The following FARS2 variants were observed in gnomAD, a reference collection of about 807,000 sequenced individuals.
FARS2 encodes the protein phenylalanyl-tRNA synthetase 2, mitochondrial.
FARS2 carries 40 observed loss-of-function variants against 46.4 expected under a neutral mutation model. The observed-to-expected ratio is 0.86, with a 90% CI of 0.67 to 1.12. The LOEUF is 1.12. Ranked by LOEUF, FARS2 falls within the 50% of genes most tolerant of loss-of-function variation. The pLI, the probability that FARS2 is intolerant of heterozygous loss-of-function variation, is 0.00. For missense variants in FARS2, 513 were observed against 567.9 expected, an observed-to-expected ratio of 0.90 and a Z score of 0.98; for synonymous variants, 234 against 214.9, an observed-to-expected ratio of 1.09 and a Z score of -0.78.
intron 2 of FARS2, among the ~76,000 whole-genome samples, chr6:5,385,649 C>T (rs1313153298): frequency 6.6e-6 from 1 of 152,104 alleles, no homozygotes; most frequent in Non-Finnish European, 1.5e-5. Flanking sequence ...TGGTCTTGGT[C>T]TCTTGACCTC....
intron 4 of FARS2, among the ~76,000 whole-genome samples, chr6:5,435,976 A>G (rs1432657560): frequency 2.6e-5 from 4 of 152,212 alleles, no homozygotes; most frequent in Non-Finnish European, 5.9e-5. Context: ...CTTATCAAAT[A>G]TTTCTTCAAA....
In FARS2 at chr6:5,497,144, T is replaced by A. The variant is rs1025732716; in HGVS notation, c.905-48036T>A. Among the ~76,000 whole-genome samples, 2 of 152,224 alleles carry A rather than the reference T, an allele frequency of 1.3e-5. 1 individual carries two copies. The highest frequency in any genetic ancestry group is 4.1e-4 in the South Asian group (2 of 4,832). Reference sequence around the variant, plus strand: ...TCTCGTGTATGATGATTTTGAAAACTCCAAATCCCTACTTATAAGAATGGT... The same window carrying A: ...TCTCGTGTATGATGATTTTGAAAACACCAAATCCCTACTTATAAGAATGGT... On this transcript the variant is annotated intron_variant, in intron 4 of 6. Coordinates refer to ENST00000274680, the MANE Select transcript of FARS2 (RefSeq NM_006567.5).
chr6:5,385,640 G>A (rs1760076619), intron 2 of FARS2, among the ~76,000 whole-genome samples: 1 of 152,020 alleles, frequency 6.6e-6, no homozygotes, highest in African/African-American at 2.4e-5. Context: ...TGGCCAGGAT[G>A]GTCTTGGTCT....
At chr6:5,609,444 T>C in intron 5 of FARS2, 1 of 1,215,556 alleles carries the variant, frequency 8.2e-7, no homozygotes. Context: ...GCTTCCATCA[T>C]TACCAAATCC....
At chr6:5,407,353 A>G (rs552239031) in intron 3 of FARS2, among the ~76,000 whole-genome samples, 1 of 152,136 alleles carries the variant, frequency 6.6e-6, no homozygotes, top group East Asian at 1.9e-4. Context: ...ATGTATTTAA[A>G]GAGAATCTTG....
At chr6:5,684,593 C>T (rs1561798217) in intron 6 of FARS2, among the ~76,000 whole-genome samples, 2 of 152,154 alleles carry the variant, frequency 1.3e-5, no homozygotes, top group African/African-American at 2.4e-5. Flanking sequence ...CAAAAAGCTG[C>T]AACAAGGAGC....
In FARS2 at chr6:5,368,650, A is replaced by G. The variant is rs537850422; in HGVS notation, c.80A>G (p.His27Arg). 13 of 1,614,192 alleles carry G rather than the reference A, an allele frequency of 8.1e-6. No individual in the cohort carries two copies. The highest frequency in any genetic ancestry group is 8.0e-5 in the African/African-American group (6 of 75,046). The change falls in exon 2 of 7, where the codon CAT (histidine) becomes CGT (arginine). Residue 27 changes from histidine to arginine, a missense_variant. By Grantham distance (29) the His-to-Arg change is conservative. Coordinates refer to ENST00000274680, the MANE Select transcript of FARS2 (RefSeq NM_006567.5). Reference protein sequence around the residue: ...VSKASHISRGHQHQAWGSRPP... With the variant: ...VSKASHISRGRQHQAWGSRPP... Reference sequence around the variant, plus strand: ...AAGGCCAGTCACATCTCCAGAGGCCATCAGCACCAGGCCTGGGGATCGAGG... The same window carrying G: ...AAGGCCAGTCACATCTCCAGAGGCCGTCAGCACCAGGCCTGGGGATCGAGG...
intron 5 of FARS2, among the ~76,000 whole-genome samples, chr6:5,610,855 A>G (rs917453577): frequency 6.6e-6 from 1 of 152,224 alleles, no homozygotes; most frequent in African/African-American, 2.4e-5. Flanking sequence ...CGTGGTTGCT[A>G]AACCCTAGGA....
Position 5,491,638 on chromosome 6 carries a change from T to G in FARS2, c.905-53542T>G, listed in dbSNP as rs560935273. ...TCCTTCCCCGAAAGATATGAGCGTTTCTTCTTCTGCATATGCCATAGCACA... is the reference window on the plus strand; with the variant it reads ...TCCTTCCCCGAAAGATATGAGCGTTGCTTCTTCTGCATATGCCATAGCACA... On this transcript the variant is annotated intron_variant, in intron 4 of 6. Coordinates refer to ENST00000274680, the MANE Select transcript of FARS2 (RefSeq NM_006567.5). Among the ~76,000 whole-genome samples, 216 of 152,320 alleles carry G rather than the reference T, an allele frequency of 1.4e-3. 10 individuals are homozygous for G. In the South Asian group the frequency reaches 0.042, roughly 30 times the overall value.
intron 1 of FARS2, among the ~76,000 whole-genome samples, chr6:5,363,733 G>C (rs1758465840): frequency 6.6e-6 from 1 of 152,114 alleles, no homozygotes; most frequent in Non-Finnish European, 1.5e-5. Context: ...CCTGACTTCT[G>C]TGCTGTGGCA....
At chr6:5,440,991 G>T (rs192156838) in intron 4 of FARS2, among the ~76,000 whole-genome samples, 2,020 of 149,612 alleles carry the variant, frequency 0.014, 19 homozygotes, top group Non-Finnish European at 0.021. Flanking sequence ...GCACAATCTT[G>T]GCTCCTTGCA....
At chr6:5,592,260 C>T (rs771366095) in intron 5 of FARS2, among the ~76,000 whole-genome samples, 1 of 152,044 alleles carries the variant, frequency 6.6e-6, no homozygotes, top group Non-Finnish European at 1.5e-5. Context: ...GTGGTATATG[C>T]TTTTAGTCCC....
chr6:5,337,372 T>C lies in FARS2; in HGVS notation c.-21-31178T>C, dbSNP rs1481838784. ...AATCATTTTCACAAGTCGTTCCCCT[T>C]ATTTTCCTCTTTCTTCTGCAGACCT... On this transcript the variant is annotated intron_variant, in intron 1 of 6. Coordinates refer to ENST00000274680, the MANE Select transcript of FARS2 (RefSeq NM_006567.5). 2.0e-5 allele frequency among the ~76,000 whole-genome samples: 3 copies of C among 152,258 alleles called. No homozygotes were observed. The East Asian group carries it at 5.8e-4, about 29-fold the overall frequency.
intron 3 of FARS2, among the ~76,000 whole-genome samples, chr6:5,416,559 G>A (rs1401961210): frequency 4.0e-5 from 6 of 151,878 alleles, no homozygotes; most frequent in Non-Finnish European, 7.4e-5. Flanking sequence ...CCTTAAAATC[G>A]GTTAAATTCT....
At chr6:5,754,854 T>G (rs1435681155) in intron 6 of FARS2, among the ~76,000 whole-genome samples, 1 of 152,234 alleles carries the variant, frequency 6.6e-6, no homozygotes, top group African/African-American at 2.4e-5. Context: ...TTCTGCAGTT[T>G]CATTACAATG....
At chr6:5,706,052 A>G (rs1302195528) in intron 6 of FARS2, among the ~76,000 whole-genome samples, 3 of 152,226 alleles carry the variant, frequency 2.0e-5, no homozygotes, top group East Asian at 1.9e-4. Flanking sequence ...CCATTTTTCC[A>G]TGGATGGGGT....
intron 6 of FARS2, among the ~76,000 whole-genome samples, chr6:5,715,356 C>A (rs189736077): frequency 6.6e-6 from 1 of 152,130 alleles, no homozygotes; most frequent in African/African-American, 2.4e-5. Flanking sequence ...ACTGGCTTTT[C>A]GTATAGTCAC....
intron 1 of FARS2, among the ~76,000 whole-genome samples, chr6:5,280,820 A>G (rs926004241): frequency 1.3e-4 from 20 of 152,140 alleles, no homozygotes; most frequent in African/African-American, 4.1e-4. Flanking sequence ...TACACTGTGT[A>G]TAATTCATTT....
chr6:5,615,424 G>T (rs912641420), intron 6 of FARS2, among the ~76,000 whole-genome samples: 2 of 151,874 alleles, frequency 1.3e-5, no homozygotes, highest in South Asian at 2.1e-4. Context: ...TTTTCTCCCC[G>T]TTCTGGGTTC....
Sources: allele counts gnomAD v4.1 joint callset (sites outside exome capture counted in the v4.1 genomes callset), GRCh38; gene constraint gnomAD v4.1.1; transcripts MANE v1.5; gene names NCBI Gene and HGNC (gene_info 2026-07-23, HGNC 2026-07-21).